Variants in NCOR1 observed in about 807,000 individuals in gnomAD.
The protein encoded by NCOR1 is protein phosphatase 1, regulatory subunit 109.
NCOR1 carries 63 observed loss-of-function variants against 288.1 expected under a neutral mutation model. That is an observed-to-expected ratio of 0.22 (90% confidence interval 0.18 to 0.27). NCOR1 has a LOEUF of 0.27. Among genes scored for constraint, NCOR1 ranks in the 10% least tolerant of loss-of-function variants. NCOR1 has a pLI of 1.00. For synonymous variants in NCOR1, 1,007 were observed against 1,065.9 expected, an observed-to-expected ratio of 0.94 and a Z score of 1.08; for missense variants, 2,397 against 3,019.2, an observed-to-expected ratio of 0.79 and a Z score of 4.83.
chr17:16,156,378 G>C (rs1467615297), intron 6 of NCOR1, among the ~76,000 whole-genome samples: 1 of 151,404 alleles, frequency 6.6e-6, no homozygotes, highest in Non-Finnish European at 1.5e-5. Flanking sequence ...GGAGGTTGCA[G>C]TGAGCTGAGA....
chr17:16,084,263 TC>T (rs1281354942), intron 23 of NCOR1: 2 of 152,194 alleles, frequency 1.3e-5, no homozygotes, highest in Non-Finnish European at 2.9e-5. Context: ...AAATAGCTCA[TC>T]AAAAAATATC....
intron 8 of NCOR1, chr17:16,151,656 T>C: frequency 7.2e-7 from 1 of 1,388,516 alleles, no homozygotes; most frequent in Non-Finnish European, 9.6e-7. Flanking sequence ...AATTCAAGCC[T>C]CAAGGTAAGC....
At chr17:16,200,370 A>C (rs1162685727) in intron 1 of NCOR1, among the ~76,000 whole-genome samples, 1 of 151,834 alleles carries the variant, frequency 6.6e-6, no homozygotes, top group South Asian at 2.1e-4. Context: ...GGTGGTGCAC[A>C]CCTATAGTCC....
At chr17:16,066,206 G>T (rs1265016975) in intron 32 of NCOR1, among the ~76,000 whole-genome samples, 4 of 152,134 alleles carry the variant, frequency 2.6e-5, no homozygotes, top group Non-Finnish European at 5.9e-5. Context: ...TATATTTTAG[G>T]CTTTGTGGGC....
intron 5 of NCOR1, among the ~76,000 whole-genome samples, chr17:16,160,002 G>T (rs371780776): frequency 1.3e-4 from 20 of 152,114 alleles, no homozygotes; most frequent in South Asian, 1.0e-3. Context: ...GCTAATTTCT[G>T]TATTTTTTTA....
intron 19 of NCOR1, among the ~76,000 whole-genome samples, chr17:16,103,826 A>C (rs1317892599): frequency 6.6e-6 from 1 of 152,136 alleles, no homozygotes; most frequent in Non-Finnish European, 1.5e-5. Context: ...GACCATCCTG[A>C]CCGACATAGT....
chr17:16,111,344 G>A (rs2070119065), intron 18 of NCOR1, among the ~76,000 whole-genome samples: 1 of 152,180 alleles, frequency 6.6e-6, no homozygotes, highest in Admixed American at 6.5e-5. Context: ...GCTCAGACCT[G>A]TAATCCCAGC....
chr17:16,094,858 A>C (rs36001065), intron 21 of NCOR1, among the ~76,000 whole-genome samples: 63,408 of 151,764 alleles, frequency 0.42, 15,087 homozygotes, highest in Middle Eastern at 0.55. Context: ...GAGTCTCGTT[A>C]ACTCAGTGCT....
At chr17:16,072,255 T>A in intron 28 of NCOR1, 27 bp from the exon 29 acceptor site, 1 of 1,546,744 alleles carries the variant, frequency 6.5e-7, no homozygotes, top group Non-Finnish European at 8.9e-7. Context: ...GCAATTCAAT[T>A]ATTCAACATA....
intron 3 of NCOR1, among the ~76,000 whole-genome samples, chr17:16,175,592 T>A (rs2083996882): frequency 6.6e-6 from 1 of 152,178 alleles, no homozygotes; most frequent in Non-Finnish European, 1.5e-5. Context: ...TTTTTCTTAA[T>A]TTTCCTGTGC....
At chr17:16,107,153 C>A (rs1289283798) in intron 19 of NCOR1, among the ~76,000 whole-genome samples, 5 of 151,838 alleles carry the variant, frequency 3.3e-5, no homozygotes, top group African/African-American at 4.8e-5. Context: ...CCTGGGCCTC[C>A]CCAAGTGTTG....
chr17:16,119,285 T>TA (rs937248070), intron 17 of NCOR1, 138 bp downstream of exon 17: 29 of 560,732 alleles, frequency 5.2e-5, no homozygotes, highest in Admixed American at 1.7e-4. Flanking sequence ...AAAGAACTCT[T>TA]AAAGTCACTT....
chr17:16,202,572 A>G (rs916218255), intron 1 of NCOR1, among the ~76,000 whole-genome samples: 1 of 152,210 alleles, frequency 6.6e-6, no homozygotes, highest in Non-Finnish European at 1.5e-5. Flanking sequence ...GATATTACTA[A>G]AAGAGTTACC....
At chr17:16,117,746 C>A in intron 18 of NCOR1, 142 bp downstream of exon 18, 1 of 858,400 alleles carries the variant, frequency 1.2e-6, no homozygotes. Context: ...TGCTTGAATC[C>A]GGGAGGAAGA....
chr17:16,193,306 C>G (rs905739835), intron 2 of NCOR1, among the ~76,000 whole-genome samples: 6 of 152,178 alleles, frequency 3.9e-5, no homozygotes, highest in African/African-American at 1.2e-4. Context: ...TTTTGGCTCA[C>G]TGCAACCTCT....
chr17:16,108,702 A>C (rs2069328699), intron 19 of NCOR1, 84 bp downstream of exon 19: 1 of 1,197,306 alleles, frequency 8.4e-7, no homozygotes, highest in Non-Finnish European at 1.1e-6. Context: ...TTCCTCAATG[A>C]AGCAACTCCT....
chr17:16,182,000 A>T (rs1305421175), intron 3 of NCOR1, among the ~76,000 whole-genome samples: 1 of 152,102 alleles, frequency 6.6e-6, no homozygotes, highest in Admixed American at 6.5e-5. Context: ...AGGAGAAACT[A>T]TTTTTTAGCT....
intron 26 of NCOR1, among the ~76,000 whole-genome samples, chr17:16,077,680 T>C (rs1475911232): frequency 6.6e-6 from 1 of 151,774 alleles, no homozygotes. Context: ...TTCTAAGAGT[T>C]TGTTGAATCT....
chr17:16,064,837 C>T, intron 34 of NCOR1, 33 bp downstream of exon 34: 1 of 1,520,156 alleles, frequency 6.6e-7, no homozygotes, highest in Non-Finnish European at 8.9e-7. Context: ...CATGATGGTT[C>T]TATTAGAGAG....
Sources: gnomAD v4.1 joint callset for allele counts (sites outside exome capture counted in the v4.1 genomes callset) on GRCh38, gnomAD v4.1.1 for gene constraint, MANE v1.5 for transcripts, NCBI Gene and HGNC (gene_info 2026-07-23, HGNC 2026-07-21) for gene names.